The following HELZ variants were observed in gnomAD, a reference collection of about 807,000 sequenced individuals.
HELZ encodes the protein helicase with zinc finger.
HELZ carries 23 observed loss-of-function variants against 218.2 expected under a neutral mutation model. The observed-to-expected ratio is 0.11, with a 90% CI of 0.08 to 0.15. The LOEUF (loss-of-function observed/expected upper bound fraction) is 0.15. Ranked by LOEUF, HELZ falls within the 10% of genes least tolerant of loss-of-function variation. The probability of loss-of-function intolerance (pLI) is 1.00; values close to 1 mark genes in which losing one functional copy is unlikely to be tolerated. For synonymous variants in HELZ, 814 were observed against 829.4 expected, an observed-to-expected ratio of 0.98 and a Z score of 0.32; for missense variants, 1,813 against 2,353.7, an observed-to-expected ratio of 0.77 and a Z score of 4.75.
At position 67,123,171 on chromosome 17, in the gene HELZ, A is replaced by G; in HGVS notation, c.3440-11T>C. The G allele has an allele frequency of 1.9e-6, 3 of 1,592,884 alleles. No homozygotes were observed. Among genetic ancestry groups the G allele is most frequent in the East Asian group, 2.2e-5 (1 of 44,608 alleles). ...AAGGATTGGGCTGAACTGAAAAATA[A>G]ACAGAAAAAGGATGCACTCAACAGC... On this transcript the variant is annotated splice_polypyrimidine_tract_variant and intron_variant, in intron 25 of 32. Transcript: ENST00000358691.
intron 31 of HELZ, among the ~76,000 whole-genome samples, chr17:67,105,954 T>C (rs2037086663): frequency 6.6e-6 from 1 of 152,256 alleles, no homozygotes; most frequent in Non-Finnish European, 1.5e-5. Context: ...TCTTGACTTT[T>C]AATTAGCATC....
At chr17:67,233,557 T>C (rs1457750916) in intron 3 of HELZ, among the ~76,000 whole-genome samples, 1 of 152,134 alleles carries the variant, frequency 6.6e-6, no homozygotes, top group East Asian at 1.9e-4. Flanking sequence ...CTACTTTAAC[T>C]AATTGTGAGA....
At chr17:67,221,833 GTTTT>G (rs950763062) in intron 3 of HELZ, among the ~76,000 whole-genome samples, 1 of 147,200 alleles carries the variant, frequency 6.8e-6, no homozygotes, top group Non-Finnish European at 1.5e-5. Flanking sequence ...TGTTGTTGCT[GTTTT>G]TTGTGTTTTT....
chr17:67,189,910 T>C (rs905068848), intron 10 of HELZ, among the ~76,000 whole-genome samples: 1 of 152,102 alleles, frequency 6.6e-6, no homozygotes, highest in African/African-American at 2.4e-5. Flanking sequence ...ACCACAAAAA[T>C]GGCACTCAAA....
At chr17:67,222,468 T>G (rs2143340546) in intron 3 of HELZ, among the ~76,000 whole-genome samples, 1 of 152,254 alleles carries the variant, frequency 6.6e-6, no homozygotes, top group South Asian at 2.1e-4. Context: ...ACTATGAATT[T>G]CAGGAGCTTT....
chr17:67,220,186 G>A (rs1023330011), intron 3 of HELZ, among the ~76,000 whole-genome samples: 14 of 152,176 alleles, frequency 9.2e-5, no homozygotes, highest in Middle Eastern at 3.4e-3. Flanking sequence ...CCCTCTCCTC[G>A]CTGTGCTGTA....
At chr17:67,089,266 C>T (rs1378658972) in intron 31 of HELZ, among the ~76,000 whole-genome samples, 3 of 152,042 alleles carry the variant, frequency 2.0e-5, no homozygotes, top group Admixed American at 1.3e-4. Flanking sequence ...AACGAACATA[C>T]ACAAACCAGT....
At chr17:67,224,864 G>A (rs1355853723) in intron 3 of HELZ, 3 of 852,964 alleles carry the variant, frequency 3.5e-6, no homozygotes, top group Admixed American at 3.5e-5. Context: ...AAACAGAGTG[G>A]CTATGGTGGG....
At chr17:67,125,321 T>C (rs1161172161) in intron 24 of HELZ, among the ~76,000 whole-genome samples, 3 of 41,090 alleles carry the variant, frequency 7.3e-5, no homozygotes, top group African/African-American at 1.3e-4. Context: ...TATATATATA[T>C]ATATATATAT....
chr17:67,123,019 T>C lies in HELZ; in HGVS notation c.3581A>G (p.Tyr1194Cys). 1 of 1,613,766 alleles carries C rather than the reference T, an allele frequency of 6.2e-7. No homozygotes were observed. Among genetic ancestry groups the C allele is most frequent in the Non-Finnish European group, 8.5e-7 (1 of 1,179,670 alleles). ...IDPHTGTSIL[Y>C]VPAVYGGNVV... The stretch of plus-strand genomic sequence containing the variant: ...ATTCCCTCCATAGACAGCAGGTACA[T>C]AAAGAATACTTGTCCCAGTGTGAGG... The change falls in exon 26 of 33, where the codon TAT becomes TGT. Residue 1194 changes from tyrosine (Y) to cysteine (C), a missense_variant. By Grantham distance (194) the Tyr-to-Cys change is radical. This residue lies in a region of HELZ where 938 missense variants were observed against 1,027.5 expected (regional missense o/e 0.91). Coordinates refer to ENST00000358691, the MANE Select transcript of HELZ (RefSeq NM_014877.4).
rs1282518137 is a variant in HELZ at position 67,075,458 on chromosome 17, C to A, written c.*2794G>T. The stretch of plus-strand genomic sequence containing the variant: ...TATACATATACTATACATATATATG[C>A]ATATATAAGGGTTGAACCTAGCATA... On this transcript the variant is annotated 3_prime_UTR_variant, in exon 33 of 33. Coordinates refer to ENST00000358691, the MANE Select transcript of HELZ (RefSeq NM_014877.4). The A allele has an allele frequency of 6.6e-6, 1 of 152,018 alleles. No homozygotes were observed. The highest frequency in any genetic ancestry group is 2.4e-5 in the African/African-American group (1 of 41,384). 9.4% of individuals were successfully genotyped at this position (152,018 alleles called of 1,614,324 possible).
intron 32 of HELZ, among the ~76,000 whole-genome samples, chr17:67,080,725 C>T (rs543845927): frequency 2.0e-4 from 30 of 152,126 alleles, no homozygotes; most frequent in African/African-American, 7.2e-4. Context: ...GGCTAAATAA[C>T]AATAGAAGTG....
rs183881846 is a variant in HELZ, at chr17:67,155,752, G to A, written c.2177+4509C>T. 6.4e-4 allele frequency among the ~76,000 whole-genome samples: 97 copies of A among 151,542 alleles called. 1 individual carries two copies. The East Asian group carries it at 0.012, about 19-fold the overall frequency. On this transcript the variant is annotated intron_variant, in intron 17 of 32. Coordinates refer to ENST00000358691, the MANE Select transcript of HELZ (RefSeq NM_014877.4). ...CTTGGGAGGCTGAGGCAGGAGAATC[G>A]CTTGAACCTGGGAGGCAGAGGTTGC...
At chr17:67,171,037 G>GTT (rs758960573) in intron 13 of HELZ, among the ~76,000 whole-genome samples, 14 of 131,902 alleles carry the variant, frequency 1.1e-4, no homozygotes, top group Non-Finnish European at 9.5e-5. Context: ...ATGATGTACA[G>GTT]TTTTTTTTTT....
chr17:67,092,297 G>A (rs2036595522), intron 31 of HELZ, among the ~76,000 whole-genome samples: 1 of 152,156 alleles, frequency 6.6e-6, no homozygotes. Context: ...AGACTGGATG[G>A]AGGAATGGTG....
chr17:67,120,406 A>G lies in HELZ; in HGVS notation c.3837T>C (p.Asn1279=). 3.7e-6 allele frequency: 6 copies of G among 1,613,240 alleles called. No individual in the cohort carries two copies. The highest frequency in any genetic ancestry group is 5.1e-6 in the Non-Finnish European group (6 of 1,179,294). Residue 1279 remains asparagine, a splice_region_variant and synonymous_variant, in exon 27 of 33, where the codon AAT becomes AAC. Transcript: ENST00000358691. ...GGAGAACAGCGAAGTACAACTTACC[A>G]TTTCGATTTTGCTCATGTTGATCCT... ...QEKDQHEQNR[N]GKSDTNNSGP...
intron 19 of HELZ, among the ~76,000 whole-genome samples, chr17:67,149,471 T>C (rs540545794): frequency 6.6e-6 from 1 of 152,314 alleles, no homozygotes; most frequent in African/African-American, 2.4e-5. Context: ...TTCCTAGTTT[T>C]CTATTACACC....
At chr17:67,197,198 A>G (rs1247895886) in intron 7 of HELZ, among the ~76,000 whole-genome samples, 1 of 152,176 alleles carries the variant, frequency 6.6e-6, no homozygotes, top group Non-Finnish European at 1.5e-5. Context: ...AGTAAGTCTG[A>G]TAACATCTAA....
In HELZ at chr17:67,137,028, C is replaced by T. The variant is rs545352147; in HGVS notation, c.2954-830G>A. Among the ~76,000 whole-genome samples the T allele has an allele frequency of 3.3e-5, 5 of 152,150 alleles. No individual in the cohort carries two copies. The South Asian group carries it at 1.0e-3, about 32-fold the overall frequency. ...CCTTAAAATTATCTAGTCCCAGGTT[C>T]CACCCAATACAAGGACCCTTTGTTG... On this transcript the variant is annotated intron_variant, in intron 22 of 32. Transcript: ENST00000358691.
Sources: allele counts gnomAD v4.1 joint callset (sites outside exome capture counted in the v4.1 genomes callset), GRCh38; gene constraint gnomAD v4.1.1; regional missense constraint gnomAD v4.1.1; transcripts MANE v1.5; gene names NCBI Gene and HGNC (gene_info 2026-07-23, HGNC 2026-07-21).